ESRRG: variants seen among roughly 807,000 people sequenced by gnomAD.
The protein encoded by ESRRG is estrogen related receptor gamma.
Under a neutral mutation model 44.0 loss-of-function variants are expected in ESRRG, and 13 were observed. That is an observed-to-expected ratio of 0.30 (90% CI 0.19 to 0.47). The LOEUF is 0.47. Ranked by LOEUF, ESRRG falls within the 20% of genes least tolerant of loss-of-function variation. ESRRG has a pLI of 1.00. For missense variants in ESRRG, 395 were observed against 580.6 expected (o/e 0.68, Z 3.29); for synonymous variants, 215 against 214.6 (o/e 1.00, Z -0.02).
chr1:216,789,012 G>A (rs1349425064), intron 2 of ESRRG, among the ~76,000 whole-genome samples: 1 of 152,110 alleles, frequency 6.6e-6, no homozygotes, highest in African/African-American at 2.4e-5. Context: ...ACGGATGAGT[G>A]GTTTCTTGAG....
chr1:216,813,635 T>C (rs180726768), intron 2 of ESRRG, among the ~76,000 whole-genome samples: 1 of 152,214 alleles, frequency 6.6e-6, no homozygotes, highest in African/African-American at 2.4e-5. Context: ...TTTAAGTCCA[T>C]CTGTGGCTTG....
intron 2 of ESRRG, among the ~76,000 whole-genome samples, chr1:216,900,410 G>C (rs1222877691): frequency 1.3e-5 from 2 of 152,140 alleles, no homozygotes; most frequent in East Asian, 3.9e-4. Context: ...CACTCATGTT[G>C]GTGTTCAGGC....
chr1:216,845,542 A>G (rs920171), intron 2 of ESRRG, among the ~76,000 whole-genome samples: 69,329 of 151,910 alleles, frequency 0.46, 17,495 homozygotes, highest in African/African-American at 0.68. Flanking sequence ...GAAAACAGGT[A>G]TTGCCTGTCA....
chr1:216,898,610 T>A (rs2058701361), intron 2 of ESRRG, among the ~76,000 whole-genome samples: 1 of 152,152 alleles, frequency 6.6e-6, no homozygotes, highest in East Asian at 1.9e-4. Context: ...AAAGCGAGAC[T>A]CTGTCTCAAA....
chr1:216,708,785 T>C (rs1408586563), intron 1 of ESRRG, among the ~76,000 whole-genome samples: 1 of 152,142 alleles, frequency 6.6e-6, no homozygotes. Context: ...TGCAGCCCTG[T>C]TCACAATAGC....
In ESRRG at chr1:216,972,893, T is replaced by A. The variant is rs1282747321; in HGVS notation, c.-105-33220A>T. Among the ~76,000 whole-genome samples the A allele has an allele frequency of 2.0e-5, 3 of 152,328 alleles. No homozygotes were observed. The East Asian group carries it at 5.8e-4, about 29-fold the overall frequency. On this transcript the variant is annotated intron_variant, in intron 1 of 7. Coordinates refer to the ESRRG transcript ENST00000359162. ...GATATTAAAATGAGAGATTAAGGTA[T>A]TTAAGGTAGTGGAATGGGAGTCTGT... is the stretch of plus-strand genomic sequence containing the variant.
chr1:216,664,622 G>C (rs1193744591), intron 2 of ESRRG, among the ~76,000 whole-genome samples: 1 of 148,524 alleles, frequency 6.7e-6, no homozygotes, highest in Non-Finnish European at 1.5e-5. Flanking sequence ...TATAAATTTG[G>C]CATATCTATA....
At position 216,651,358 on chromosome 1, in the gene ESRRG, G is replaced by A. The variant is rs114530304; in HGVS notation, c.473-269C>T. On this transcript the variant is annotated intron_variant, in intron 2 of 6. Coordinates refer to ENST00000408911, the MANE Select transcript of ESRRG (RefSeq NM_001438.4). ...AAAACATTATGCTGAGTCCACCCAT[G>A]CAAAGTAAGAGTCTTCCAGAGTCTT... 1.5e-3 allele frequency among the ~76,000 whole-genome samples: 230 copies of A among 152,268 alleles called. 1 individual carries two copies. The highest frequency in any genetic ancestry group is 2.6e-3 in the Admixed American group (40 of 15,292).
intron 2 of ESRRG, among the ~76,000 whole-genome samples, chr1:216,767,527 A>T (rs2093144468): frequency 6.6e-6 from 1 of 152,156 alleles, no homozygotes; most frequent in East Asian, 1.9e-4. Context: ...AATTTTCAAT[A>T]TATCTCATTT....
intron 5 of ESRRG, among the ~76,000 whole-genome samples, chr1:216,553,489 T>C (rs1459368481): frequency 3.3e-5 from 5 of 152,184 alleles, no homozygotes; most frequent in Non-Finnish European, 7.3e-5. Flanking sequence ...GACTTTCTAA[T>C]ATTAACAATT....
chr1:217,102,256 A>G (rs910754961), intron 1 of ESRRG, among the ~76,000 whole-genome samples: 3 of 152,228 alleles, frequency 2.0e-5, no homozygotes, highest in African/African-American at 7.2e-5. Context: ...TGGTTAGGAA[A>G]CTTGCTGGGG....
At chr1:216,848,992 A>G (rs2095802096) in intron 2 of ESRRG, among the ~76,000 whole-genome samples, 1 of 152,138 alleles carries the variant, frequency 6.6e-6, no homozygotes. Context: ...TCTGATATGA[A>G]CTACCTATGA....
chr1:216,700,838 G>A (rs530117658), intron 1 of ESRRG, among the ~76,000 whole-genome samples: 2 of 152,278 alleles, frequency 1.3e-5, no homozygotes, highest in South Asian at 4.1e-4. Context: ...ACTCTAGGCA[G>A]AGAAGAAACC....
chr1:216,921,287 T>C (rs577268527), intron 2 of ESRRG, among the ~76,000 whole-genome samples: 1 of 152,238 alleles, frequency 6.6e-6, no homozygotes, highest in African/African-American at 2.4e-5. Context: ...GGTGACTTTT[T>C]TCAAGTACTT....
chr1:217,067,427 C>T (rs929846700), intron 1 of ESRRG, among the ~76,000 whole-genome samples: 2 of 152,126 alleles, frequency 1.3e-5, no homozygotes, highest in African/African-American at 4.8e-5. Context: ...AGCTGTTGCA[C>T]ATATGATAAC....
intron 2 of ESRRG, among the ~76,000 whole-genome samples, chr1:216,917,880 C>T (rs2061383399): frequency 6.6e-6 from 1 of 152,228 alleles, no homozygotes; most frequent in Non-Finnish European, 1.5e-5. Context: ...AGTTCATCTT[C>T]ACCTCTTTTT....
intron 1 of ESRRG, among the ~76,000 whole-genome samples, chr1:216,940,571 G>A (rs79033283): frequency 1.5e-3 from 221 of 152,226 alleles, no homozygotes; most frequent in Admixed American, 2.2e-3. Context: ...TTAAGTAAAA[G>A]ATGTGGAGAA....
intron 1 of ESRRG, among the ~76,000 whole-genome samples, chr1:216,683,989 G>A (rs1241006053): frequency 2.0e-5 from 3 of 152,004 alleles, no homozygotes; most frequent in Non-Finnish European, 4.4e-5. Context: ...AAAATATAAG[G>A]GATTTTGAAA....
intron 3 of ESRRG, among the ~76,000 whole-genome samples, chr1:216,633,043 C>T (rs2064555384): frequency 1.3e-5 from 2 of 152,102 alleles, no homozygotes; most frequent in African/African-American, 4.8e-5. Context: ...AAAGCAAATT[C>T]CAGAATCTTG....
Sources: gnomAD v4.1 joint callset for allele counts (sites outside exome capture counted in the v4.1 genomes callset) on GRCh38, gnomAD v4.1.1 for gene constraint, MANE v1.5 for transcripts, NCBI Gene and HGNC (gene_info 2026-07-23, HGNC 2026-07-21) for gene names.